SPECC1L: variants seen among roughly 807,000 people sequenced by gnomAD.
The protein encoded by SPECC1L is sperm antigen with calponin homology and coiled-coil domains 1 like, also known as cytospin-A.
In SPECC1L, 40 loss-of-function variants were observed where a neutral mutation model predicts 116.8. The observed-to-expected ratio is 0.34, with a 90% CI of 0.27 to 0.45. SPECC1L has a LOEUF of 0.45. Among genes scored for constraint, SPECC1L ranks in the 20% least tolerant of loss-of-function variants. The pLI is 1.00. For missense variants in SPECC1L, 1,110 were observed against 1,373.6 expected (o/e 0.81, Z 3.03); for synonymous variants, 504 against 500.6 (o/e 1.01, Z -0.09).
At chr22:24,365,393 T>C in intron 12 of SPECC1L, 83 bp from the exon 13 acceptor site, 1 of 1,303,262 alleles carries the variant, frequency 7.7e-7, no homozygotes, top group Non-Finnish European at 1.1e-6. Flanking sequence ...TCTGTTGTTT[T>C]TGGAATCTTC....
chr22:24,300,803 A>C (rs1233322472), intron 2 of SPECC1L, among the ~76,000 whole-genome samples: 4 of 152,236 alleles, frequency 2.6e-5, no homozygotes, highest in Non-Finnish European at 4.4e-5. Context: ...AGACCTCAGA[A>C]ATAACACCAC....
intron 2 of SPECC1L, among the ~76,000 whole-genome samples, chr22:24,284,380 T>G (rs987817212): frequency 1.3e-5 from 2 of 152,170 alleles, no homozygotes; most frequent in African/African-American, 2.4e-5. Flanking sequence ...TTCAGAATTT[T>G]CCAGAGATAT....
Position 24,365,638 on chromosome 22 carries a change from G to T in SPECC1L, c.2984+6G>T, listed in dbSNP as rs947493184. 2 of 1,614,022 alleles carry T rather than the reference G, an allele frequency of 1.2e-6. No homozygotes were observed. Among genetic ancestry groups the T allele is most frequent in the Non-Finnish European group, 8.5e-7 (1 of 1,179,982 alleles). ...ACCACCCGAAGCCGAATAAGGTAGA[G>T]AACAGTTAATATTCATGCATTTCGT... On this transcript the variant is annotated splice_donor_region_variant and intron_variant, in intron 13 of 16. Transcript: ENST00000314328.
chr22:24,407,912 G>T (rs1453191425), intron 14 of SPECC1L, among the ~76,000 whole-genome samples: 1 of 152,138 alleles, frequency 6.6e-6, no homozygotes, highest in Non-Finnish European at 1.5e-5. Flanking sequence ...GGTGCACAGG[G>T]CATTAGGAAA....
chr22:24,321,604 C>T lies in SPECC1L; in HGVS notation c.624C>T (p.Asp208=). The part of the protein sequence containing the change: ...EILHLRNELR[D]MRAQLGINED... The stretch of plus-strand genomic sequence containing the variant: ...TACATTTGAGAAATGAACTGCGAGA[C>T]ATGCGTGCCCAGCTGGGCATTAATG... The change falls in exon 5 of 17, where the codon GAC becomes GAT. Residue 208 remains aspartate (D), a synonymous_variant. Coordinates refer to ENST00000314328, the MANE Select transcript of SPECC1L (RefSeq NM_015330.6). The T allele has an allele frequency of 6.2e-7, 1 of 1,614,214 alleles. No homozygotes were observed. Among genetic ancestry groups the T allele is most frequent in the Admixed American group, 1.7e-5 (1 of 60,028 alleles).
At chr22:24,271,113 C>T (rs1164560056) in intron 1 of SPECC1L, 130 bp downstream of exon 1, 1 of 152,580 alleles carries the variant, frequency 6.6e-6, no homozygotes, top group African/African-American at 2.4e-5. Context: ...CGTCTCTGCT[C>T]CTGGGCCCCT....
intron 14 of SPECC1L, among the ~76,000 whole-genome samples, chr22:24,376,014 G>C (rs2041965487): frequency 6.6e-6 from 1 of 151,968 alleles, no homozygotes. Flanking sequence ...TATACTTAAT[G>C]GTGAAGACTG....
intron 2 of SPECC1L, among the ~76,000 whole-genome samples, chr22:24,287,281 A>G (rs887183956): frequency 6.6e-6 from 1 of 152,232 alleles, no homozygotes; most frequent in African/African-American, 2.4e-5. Context: ...AGAAGCAGGT[A>G]TCGGCGCTGG....
intron 10 of SPECC1L, among the ~76,000 whole-genome samples, chr22:24,339,785 CT>C (rs796169418): frequency 2.0e-4 from 18 of 91,958 alleles, no homozygotes; most frequent in East Asian, 3.2e-4. Flanking sequence ...ATGTTATGTC[CT>C]TTTTTTTTTA....
At chr22:24,331,392 T>G (rs1328362220) in intron 8 of SPECC1L, among the ~76,000 whole-genome samples, 2 of 152,218 alleles carry the variant, frequency 1.3e-5, no homozygotes. Flanking sequence ...ATGAGACAGA[T>G]TATTGTTTCT....
intron 2 of SPECC1L, among the ~76,000 whole-genome samples, chr22:24,283,018 T>C (rs1336288888): frequency 6.6e-6 from 1 of 152,016 alleles, no homozygotes; most frequent in African/African-American, 2.4e-5. Context: ...CCTCAGGTGA[T>C]CCACCCACCT....
chr22:24,347,967 C>T (rs920481163), intron 11 of SPECC1L, among the ~76,000 whole-genome samples: 1 of 152,230 alleles, frequency 6.6e-6, no homozygotes, highest in Non-Finnish European at 1.5e-5. Flanking sequence ...CAAGCTACCG[C>T]ACCTGGCCTT....
At chr22:24,340,246 T>G (rs1412038030) in intron 10 of SPECC1L, among the ~76,000 whole-genome samples, 1 of 149,184 alleles carries the variant, frequency 6.7e-6, no homozygotes, top group Non-Finnish European at 1.5e-5. Context: ...CCTCCTGGGT[T>G]CAAGTGATTC....
At chr22:24,392,823 C>G (rs2042297608) in intron 14 of SPECC1L, among the ~76,000 whole-genome samples, 1 of 152,232 alleles carries the variant, frequency 6.6e-6, no homozygotes, top group Non-Finnish European at 1.5e-5. Flanking sequence ...CTCCGCTCTA[C>G]TCAGCTCAGT....
intron 14 of SPECC1L, 137 bp downstream of exon 14, chr22:24,369,457 A>G (rs1323260319): frequency 5.5e-6 from 4 of 721,508 alleles, no homozygotes; most frequent in Admixed American, 4.1e-5. Flanking sequence ...ATCCTAACAC[A>G]TTGGGAGGCT....
intron 14 of SPECC1L, among the ~76,000 whole-genome samples, chr22:24,377,131 A>T (rs955651370): frequency 2.6e-5 from 4 of 152,130 alleles, no homozygotes; most frequent in African/African-American, 9.7e-5. Flanking sequence ...GGCTTCTTTC[A>T]CTTAGCATCA....
At chr22:24,280,612 C>G (rs926912284) in intron 2 of SPECC1L, among the ~76,000 whole-genome samples, 14 of 138,560 alleles carry the variant, frequency 1.0e-4, no homozygotes, top group African/African-American at 3.8e-4. Flanking sequence ...CAGTGTCACT[C>G]TGTTGCTCAG....
chr22:24,309,207 A>G (rs1251599643), intron 3 of SPECC1L, among the ~76,000 whole-genome samples: 1 of 152,222 alleles, frequency 6.6e-6, no homozygotes, highest in Non-Finnish European at 1.5e-5. Context: ...GTGAGTTCAC[A>G]CTGATATTTC....
rs2041746004 is a variant in SPECC1L, at chr22:24,365,585, C to G, written c.2937C>G (p.Ser979=). 1 of 1,614,014 alleles carries G rather than the reference C, an allele frequency of 6.2e-7. No homozygotes were observed. ...MGTTSPQLSL[S]SSPTASVTPT... is the part of the protein sequence containing the mutation. ...CCACGTCTCCACAGCTTTCCCTGTCCTCTTCTCCAACGGCATCTGTGACTC... is the reference window on the plus strand; with the variant it reads ...CCACGTCTCCACAGCTTTCCCTGTCGTCTTCTCCAACGGCATCTGTGACTC... The change falls in exon 13 of 17, where the codon TCC becomes TCG. Residue 979 remains serine, a synonymous_variant. Transcript: ENST00000314328.
Sources: allele counts gnomAD v4.1 joint callset (sites outside exome capture counted in the v4.1 genomes callset), GRCh38; gene constraint gnomAD v4.1.1; transcripts MANE v1.5; gene names NCBI Gene and HGNC (gene_info 2026-07-23, HGNC 2026-07-21).